The following WDR72 variants were observed in gnomAD, a reference collection of about 807,000 sequenced individuals.
WDR72 encodes the protein WD repeat domain 72.
WDR72 carries 120 observed loss-of-function variants against 124.2 expected under a neutral mutation model. That is an observed-to-expected ratio of 0.97 (90% CI 0.83 to 1.12). WDR72 has a LOEUF of 1.12. Ranked by LOEUF, WDR72 falls within the 50% of genes most tolerant of loss-of-function variation. The probability of loss-of-function intolerance (pLI) is 0.00; values close to 1 mark genes in which losing one functional copy is unlikely to be tolerated. For missense variants in WDR72, 1,387 were observed against 1,278.8 expected (o/e 1.08, Z -1.29); for synonymous variants, 452 against 441.7 (o/e 1.02, Z -0.29).
In WDR72 at chr15:53,722,878, AAT is replaced by A. The variant is rs776076867; in HGVS notation, c.182_183del (p.His61LeufsTer15). The A allele has an allele frequency of 4.3e-6, 7 of 1,614,172 alleles. No homozygotes were observed. Among genetic ancestry groups the A allele is most frequent in the Non-Finnish European group, 5.9e-6 (7 of 1,180,014 alleles). On this transcript the variant is annotated frameshift_variant, in exon 3 of 20. Transcript: ENST00000360509. LOFTEE classifies it high-confidence loss of function. ...KISAKELLFGHSASVTCLARA... is the reference protein window; with the variant it reads ...KISAKELLFGXSASVTCLARA... ...CTTGCCAAACATGTTACCGAAGCTG[AAT>A]GACCAAATAGGAGTTCTTTCGCTGA...
At chr15:53,750,009 T>C (rs1277293671) in intron 1 of WDR72, among the ~76,000 whole-genome samples, 1 of 152,216 alleles carries the variant, frequency 6.6e-6, no homozygotes, top group Non-Finnish European at 1.5e-5. Context: ...CAAGTGCTGA[T>C]GGAGAAGCTA....
chr15:53,745,405 A>G (rs1012875390), intron 1 of WDR72, among the ~76,000 whole-genome samples: 2 of 152,190 alleles, frequency 1.3e-5, no homozygotes, highest in Non-Finnish European at 1.5e-5. Context: ...CTTTTCTTGA[A>G]AATACTGTGG....
At chr15:53,660,793 A>G (rs1461405) in intron 14 of WDR72, among the ~76,000 whole-genome samples, 3,852 of 152,292 alleles carry the variant, frequency 0.025, 189 homozygotes, top group African/African-American at 0.089. Flanking sequence ...TTCCAAACAC[A>G]TATGAGTTCC....
chr15:53,691,314 G>T, intron 13 of WDR72, among the ~76,000 whole-genome samples: 1 of 152,100 alleles, frequency 6.6e-6, no homozygotes, highest in East Asian at 1.9e-4. Context: ...GCCTCCCAAA[G>T]TGCTGAAATT....
intron 1 of WDR72, among the ~76,000 whole-genome samples, chr15:53,751,949 A>G (rs896073688): frequency 1.3e-5 from 2 of 152,332 alleles, no homozygotes; most frequent in Middle Eastern, 3.4e-3. Flanking sequence ...GGAAATCATT[A>G]ATTAGTAAGC....
chr15:53,659,108 C>T (rs1213432988), intron 14 of WDR72, among the ~76,000 whole-genome samples: 1 of 152,128 alleles, frequency 6.6e-6, no homozygotes, highest in Non-Finnish European at 1.5e-5. Context: ...GATGAATAAC[C>T]TATGTCAATG....
At chr15:53,657,283 AAAAAAAGAAAGAAGG>A in intron 14 of WDR72, among the ~76,000 whole-genome samples, 1 of 150,576 alleles carries the variant, frequency 6.6e-6, no homozygotes, top group Non-Finnish European at 1.5e-5. Context: ...AAAAAAAAAA[AAAAAAAGAAAGAAGG>A]AAAAAAGAAA....
chr15:53,612,285 A>G lies in WDR72; in HGVS notation c.2872+1381T>C, dbSNP rs542300880. Among the ~76,000 whole-genome samples the G allele has an allele frequency of 2.0e-5, 3 of 152,274 alleles. No homozygotes were observed. In the East Asian group the frequency reaches 5.8e-4, roughly 29 times the overall value. On this transcript the variant is annotated intron_variant, in intron 16 of 19. Transcript: ENST00000360509. Reference sequence around the variant, plus strand: ...ATGAATAAAACTGTCACAAAAATATAACTTCTATGGAGCTTACAACTTAGT... The same window carrying G: ...ATGAATAAAACTGTCACAAAAATATGACTTCTATGGAGCTTACAACTTAGT...
intron 18 of WDR72, among the ~76,000 whole-genome samples, chr15:53,532,084 A>G (rs1892507976): frequency 6.6e-6 from 1 of 152,150 alleles, no homozygotes. Flanking sequence ...AAATTAAACT[A>G]CAATGAGACA....
chr15:53,561,866 T>C (rs1230986911), intron 18 of WDR72, among the ~76,000 whole-genome samples: 1 of 151,834 alleles, frequency 6.6e-6, no homozygotes, highest in Non-Finnish European at 1.5e-5. Context: ...AATTCAAGTG[T>C]GCATCCAGAG....
At chr15:53,709,149 C>G (rs2017465517) in intron 9 of WDR72, among the ~76,000 whole-genome samples, 1 of 152,168 alleles carries the variant, frequency 6.6e-6, no homozygotes, top group African/African-American at 2.4e-5. Flanking sequence ...GCCTTCATTA[C>G]TTGGTAACTG....
intron 13 of WDR72, 131 bp from the exon 14 acceptor site, chr15:53,665,899 A>G (rs2015763100): frequency 1.2e-6 from 1 of 861,732 alleles, no homozygotes; most frequent in Admixed American, 2.2e-5. Context: ...TGCAACTGAA[A>G]AATAGCCTGG....
chr15:53,589,890 C>T (rs938011044), intron 18 of WDR72, among the ~76,000 whole-genome samples: 2 of 151,956 alleles, frequency 1.3e-5, no homozygotes. Flanking sequence ...TAAGGTGATG[C>T]AATCTTTAAG....
Position 53,609,560 on chromosome 15 carries a change from G to C in WDR72, c.2905C>G (p.Leu969Val). 2 of 1,613,436 alleles carry C rather than the reference G, an allele frequency of 1.2e-6. No homozygotes were observed. The highest frequency in any genetic ancestry group is 1.7e-6 in the Non-Finnish European group (2 of 1,179,624). ...KNESHVPEAD[L>V]SLLKLISCWR... ...CAGGAAATTAGCTTCAAAAGTGAAA[G>C]GTCAGCCTCAGGTACATGGGATTCA... Residue 969 changes from leucine to valine, a missense_variant, in exon 17 of 20, where the codon CTT becomes GTT. Coordinates refer to ENST00000360509, the MANE Select transcript of WDR72 (RefSeq NM_182758.4).
chr15:53,736,264 T>A (rs535401012), intron 1 of WDR72, among the ~76,000 whole-genome samples: 48 of 152,106 alleles, frequency 3.2e-4, no homozygotes, highest in Non-Finnish European at 2.9e-5. Context: ...GTTCAAATAG[T>A]ATGAGGAGGG....
intron 1 of WDR72, among the ~76,000 whole-genome samples, chr15:53,743,390 T>G (rs938289160): frequency 6.6e-6 from 1 of 152,122 alleles, no homozygotes. Flanking sequence ...TAGATTGAAA[T>G]TTAGGTATAT....
At chr15:53,629,586 G>C (rs1320499385) in intron 14 of WDR72, among the ~76,000 whole-genome samples, 1 of 152,098 alleles carries the variant, frequency 6.6e-6, no homozygotes, top group Admixed American at 6.6e-5. Flanking sequence ...GAACTTCTAG[G>C]TTAATTAAGT....
Position 53,705,158 on chromosome 15 carries a change from T to A in WDR72, c.1178A>T (p.Asp393Val). The change falls in exon 11 of 20, where the codon GAC becomes GTC. Residue 393 changes from aspartate (D) to valine (V), a missense_variant. Transcript: ENST00000360509. ...KHDTMSQSII[D>V]YFSGLKDGAG... ...CCCATCTTTAAGCCCAGAGAAATAG[T>A]CAATAATACTTTGTGACATAGTATC... The A allele has an allele frequency of 6.2e-7, 1 of 1,614,080 alleles. No individual in the cohort carries two copies. The highest frequency in any genetic ancestry group is 1.1e-5 in the South Asian group (1 of 91,080).
At chr15:53,586,911 T>A (rs934140298) in intron 18 of WDR72, among the ~76,000 whole-genome samples, 3 of 151,984 alleles carry the variant, frequency 2.0e-5, no homozygotes, top group African/African-American at 7.2e-5. Flanking sequence ...TGAACTTTTT[T>A]AAAGGGGAGC....
Sources: allele counts gnomAD v4.1 joint callset (sites outside exome capture counted in the v4.1 genomes callset), GRCh38; gene constraint gnomAD v4.1.1; transcripts MANE v1.5; gene names NCBI Gene and HGNC (gene_info 2026-07-23, HGNC 2026-07-21).